EPHA3: variants seen among roughly 807,000 people sequenced by gnomAD.
EPHA3 encodes EPH receptor A3.
EPHA3 carries 42 observed loss-of-function variants against 107.1 expected under a neutral mutation model. That is an observed-to-expected ratio of 0.39 (90% CI 0.31 to 0.51). The LOEUF (loss-of-function observed/expected upper bound fraction) is 0.51. EPHA3 is among the 20% of genes least tolerant of loss of function. EPHA3 has a pLI of 0.78. For synonymous variants in EPHA3, 461 were observed against 424.8 expected (o/e 1.09, Z -1.05); for missense variants, 1,183 against 1,211.2 (o/e 0.98, Z 0.35).
At chr3:89,178,988 T>A (rs377160404) in intron 2 of EPHA3, among the ~76,000 whole-genome samples, 1 of 151,846 alleles carries the variant, frequency 6.6e-6, no homozygotes, top group African/African-American at 2.4e-5. Context: ...ATATTATTAA[T>A]GTGGGATGTT....
At chr3:89,149,422 G>T (rs1484852135) in intron 2 of EPHA3, among the ~76,000 whole-genome samples, 2 of 151,922 alleles carry the variant, frequency 1.3e-5, no homozygotes, top group Non-Finnish European at 2.9e-5. Flanking sequence ...ACTAGTATGT[G>T]TTCTTCCCTT....
At chr3:89,135,931 A>T (rs756974240) in intron 2 of EPHA3, among the ~76,000 whole-genome samples, 2 of 152,118 alleles carry the variant, frequency 1.3e-5, no homozygotes, top group Non-Finnish European at 2.9e-5. Context: ...TTTCTAAAAT[A>T]AGTAATTACT....
At chr3:89,332,078 C>G (rs1707301786) in intron 3 of EPHA3, among the ~76,000 whole-genome samples, 2 of 152,208 alleles carry the variant, frequency 1.3e-5, no homozygotes, top group South Asian at 4.1e-4. Context: ...CATTCTCGCT[C>G]TGGCCCTTCC....
At chr3:89,148,458 T>C (rs1218375414) in intron 2 of EPHA3, among the ~76,000 whole-genome samples, 1 of 151,974 alleles carries the variant, frequency 6.6e-6, no homozygotes, top group Non-Finnish European at 1.5e-5. Context: ...ATGAATAAAT[T>C]AAGATTTTAT....
chr3:89,413,321 C>T, intron 10 of EPHA3, 55 bp downstream of exon 10: 2 of 1,603,590 alleles, frequency 1.2e-6, no homozygotes. Context: ...CACGATTGCT[C>T]AGTCTCTGAA....
chr3:89,165,613 A>C (rs1705044429), intron 2 of EPHA3, among the ~76,000 whole-genome samples: 1 of 152,188 alleles, frequency 6.6e-6, no homozygotes, highest in Non-Finnish European at 1.5e-5. Context: ...TTCTCTGCTT[A>C]ATTTTTAATG....
chr3:89,442,582 C>G (rs1186921232), intron 13 of EPHA3, among the ~76,000 whole-genome samples: 1 of 152,138 alleles, frequency 6.6e-6, no homozygotes, highest in Admixed American at 6.5e-5. Flanking sequence ...ACAGCCGTCA[C>G]AGCAAAGAAT....
rs576123797 is a variant in EPHA3 at position 89,424,405 on chromosome 3, C to A, written c.2075-4701C>A. On this transcript the variant is annotated intron_variant, in intron 11 of 16. Transcript: ENST00000336596. ...TATGTAAACAGCCCCCAAACAAACACAAACAAACCCACAAATGTCACATTT... is the reference window on the plus strand; with the variant it reads ...TATGTAAACAGCCCCCAAACAAACAAAAACAAACCCACAAATGTCACATTT... Among the ~76,000 whole-genome samples the A allele has an allele frequency of 2.6e-5, 4 of 151,424 alleles. No individual in the cohort carries two copies. The East Asian group carries it at 7.7e-4, about 29-fold the overall frequency.
At chr3:89,249,709 C>T (rs565922071) in intron 3 of EPHA3, among the ~76,000 whole-genome samples, 30 of 152,290 alleles carry the variant, frequency 2.0e-4, no homozygotes, top group African/African-American at 7.2e-4. Flanking sequence ...AATCTGCCTG[C>T]CTCAGCCTCC....
intron 2 of EPHA3, among the ~76,000 whole-genome samples, chr3:89,193,112 TATA>T (rs1705757608): frequency 2.0e-5 from 3 of 152,088 alleles, no homozygotes. Flanking sequence ...TTTACATAAA[TATA>T]ATATTTGAAA....
At chr3:89,308,395 A>G (rs981837303) in intron 3 of EPHA3, among the ~76,000 whole-genome samples, 8 of 152,148 alleles carry the variant, frequency 5.3e-5, no homozygotes, top group Non-Finnish European at 1.0e-4. Flanking sequence ...AGAGATGAAA[A>G]CATAACAAGA....
At position 89,351,754 on chromosome 3, in the gene EPHA3, T is replaced by C. The variant is rs192836008; in HGVS notation, c.1306+9664T>C. On this transcript the variant is annotated intron_variant, in intron 5 of 16. Transcript: ENST00000336596. Reference sequence around the variant, plus strand: ...CATTGTTCTATACTATAATCTCATCTGAAGATACTAGTCAACTTTTGTTCA... The same window carrying C: ...CATTGTTCTATACTATAATCTCATCCGAAGATACTAGTCAACTTTTGTTCA... Among the ~76,000 whole-genome samples the C allele has an allele frequency of 8.9e-4, 135 of 151,446 alleles. 9 individuals are homozygous for C. The highest frequency in any genetic ancestry group is 1.7e-3 in the Admixed American group (25 of 15,140).
chr3:89,404,535 CA>C (rs1040482116), intron 7 of EPHA3, among the ~76,000 whole-genome samples: 1 of 152,062 alleles, frequency 6.6e-6, no homozygotes, highest in Non-Finnish European at 1.5e-5. Flanking sequence ...GAGCAGAAAA[CA>C]AATTCAAGTT....
chr3:89,344,491 T>C (rs1435712577), intron 5 of EPHA3, among the ~76,000 whole-genome samples: 1 of 152,210 alleles, frequency 6.6e-6, no homozygotes. Flanking sequence ...CCTGGGGAGA[T>C]AGAGGTCTTT....
intron 10 of EPHA3, among the ~76,000 whole-genome samples, chr3:89,414,285 C>T (rs1039968495): frequency 6.6e-6 from 1 of 151,590 alleles, no homozygotes; most frequent in African/African-American, 2.4e-5. Flanking sequence ...TTTACTAGAG[C>T]TTCTCTTCTA....
intron 2 of EPHA3, among the ~76,000 whole-genome samples, chr3:89,146,861 G>A (rs1268233002): frequency 2.0e-5 from 3 of 151,770 alleles, no homozygotes; most frequent in Admixed American, 2.0e-4. Flanking sequence ...TTATGCATAT[G>A]GCTAGCCAGT....
chr3:89,170,410 T>A (rs923828795), intron 2 of EPHA3, among the ~76,000 whole-genome samples: 1 of 152,212 alleles, frequency 6.6e-6, no homozygotes, highest in Non-Finnish European at 1.5e-5. Context: ...TTGGATTACT[T>A]TGGACCCAAA....
At chr3:89,212,678 T>C (rs1704131818) in intron 3 of EPHA3, among the ~76,000 whole-genome samples, 1 of 151,880 alleles carries the variant, frequency 6.6e-6, no homozygotes. Context: ...ATGAGGACGC[T>C]AATGGCTTTT....
intron 2 of EPHA3, among the ~76,000 whole-genome samples, chr3:89,157,527 T>A (rs1234181059): frequency 1.3e-5 from 2 of 151,898 alleles, no homozygotes; most frequent in Non-Finnish European, 2.9e-5. Context: ...TTCTCCTGAT[T>A]TCCTTTGGGT....
Sources: gnomAD v4.1 joint callset for allele counts (sites outside exome capture counted in the v4.1 genomes callset) on GRCh38, gnomAD v4.1.1 for gene constraint, MANE v1.5 for transcripts, NCBI Gene and HGNC (gene_info 2026-07-23, HGNC 2026-07-21) for gene names.